The following GMDS variants were observed in gnomAD, a reference collection of about 807,000 sequenced individuals.
GMDS encodes GDP-mannose 4,6 dehydratase.
Under a neutral mutation model 49.9 loss-of-function variants are expected in GMDS, and 20 were observed. The observed-to-expected ratio is 0.40, with a 90% confidence interval of 0.28 to 0.58. The LOEUF (loss-of-function observed/expected upper bound fraction) is 0.58. GMDS is among the 20% of genes least tolerant of loss of function. The probability of loss-of-function intolerance (pLI) is 0.42; values close to 1 mark genes in which losing one functional copy is unlikely to be tolerated. For synonymous variants in GMDS, 177 were observed against 178.6 expected, an observed-to-expected ratio of 0.99 and a Z score of 0.07; for missense variants, 362 against 481.4, an observed-to-expected ratio of 0.75 and a Z score of 2.32.
chr6:1,864,948 T>C (rs1341076076), intron 7 of GMDS, among the ~76,000 whole-genome samples: 1 of 152,226 alleles, frequency 6.6e-6, no homozygotes, highest in Non-Finnish European at 1.5e-5. Flanking sequence ...TTGCCTTGTT[T>C]TCATATTTCA....
intron 7 of GMDS, among the ~76,000 whole-genome samples, chr6:1,874,051 G>A (rs1022271300): frequency 2.6e-5 from 4 of 152,214 alleles, no homozygotes; most frequent in Non-Finnish European, 4.4e-5. Flanking sequence ...CCACTGCCTC[G>A]AACAGGGCAC....
intron 6 of GMDS, among the ~76,000 whole-genome samples, chr6:1,941,640 G>C (rs1234788953): frequency 2.6e-5 from 4 of 152,156 alleles, no homozygotes; most frequent in Admixed American, 6.5e-5. Flanking sequence ...GTGAGAGAAA[G>C]GGGTGAGACT....
At chr6:1,847,101 G>C (rs1316379909) in intron 7 of GMDS, among the ~76,000 whole-genome samples, 1 of 152,122 alleles carries the variant, frequency 6.6e-6, no homozygotes, top group Non-Finnish European at 1.5e-5. Flanking sequence ...CTGCCACCTA[G>C]GCTGGTGTGC....
At chr6:2,177,512 A>G (rs1467484167) in intron 1 of GMDS, among the ~76,000 whole-genome samples, 1 of 152,172 alleles carries the variant, frequency 6.6e-6, no homozygotes, top group Non-Finnish European at 1.5e-5. Flanking sequence ...AGTAGGCTTT[A>G]TTTCTGAAAT....
chr6:2,120,418 TAAGA>T (rs1319121130), intron 2 of GMDS, among the ~76,000 whole-genome samples: 1 of 151,310 alleles, frequency 6.6e-6, no homozygotes, highest in African/African-American at 2.5e-5. Flanking sequence ...TCTCACAGAT[TAAGA>T]AAGAAAGTAT....
intron 4 of GMDS, among the ~76,000 whole-genome samples, chr6:2,018,909 C>T (rs1039544050): frequency 6.6e-6 from 1 of 151,846 alleles, no homozygotes; most frequent in Admixed American, 6.6e-5. Flanking sequence ...AAGGAACTGC[C>T]CATCTATTTT....
intron 7 of GMDS, among the ~76,000 whole-genome samples, chr6:1,925,862 C>A (rs985323054): frequency 6.6e-6 from 1 of 152,154 alleles, no homozygotes; most frequent in Non-Finnish European, 1.5e-5. Flanking sequence ...GCCCACCACA[C>A]CCCCATGCTG....
At chr6:1,750,526 G>A (rs1173626729) in intron 7 of GMDS, among the ~76,000 whole-genome samples, 1 of 152,148 alleles carries the variant, frequency 6.6e-6, no homozygotes, top group Non-Finnish European at 1.5e-5. Flanking sequence ...GAGGGACTGT[G>A]CCATGGGGAA....
chr6:1,689,180 T>A (rs544616138), intron 9 of GMDS, among the ~76,000 whole-genome samples: 2 of 152,342 alleles, frequency 1.3e-5, no homozygotes, highest in East Asian at 3.9e-4. Flanking sequence ...GCAGGAGGAA[T>A]GGCCTGTGTG....
chr6:1,911,553 T>TA (rs34335896), intron 7 of GMDS, among the ~76,000 whole-genome samples: 3,686 of 139,222 alleles, frequency 0.026, 165 homozygotes, highest in East Asian at 0.23. Flanking sequence ...TTTCCCCTAT[T>TA]AAAAAAAAAA....
At chr6:1,632,236 C>T (rs976587204) in intron 9 of GMDS, among the ~76,000 whole-genome samples, 7 of 152,210 alleles carry the variant, frequency 4.6e-5, no homozygotes, top group African/African-American at 1.7e-4. Flanking sequence ...ATACACTTTA[C>T]ACACATTAAT....
chr6:1,625,327 C>T (rs1762819746), intron 9 of GMDS: 1 of 152,196 alleles, frequency 6.6e-6, no homozygotes, highest in Non-Finnish European at 1.5e-5. Context: ...TCTATTCTAC[C>T]CCTATTCTAC....
At chr6:1,702,934 G>A (rs1346001619) in intron 9 of GMDS, among the ~76,000 whole-genome samples, 3 of 152,154 alleles carry the variant, frequency 2.0e-5, no homozygotes, top group Non-Finnish European at 4.4e-5. Flanking sequence ...GACTGCTGGG[G>A]TTTGTATCCC....
chr6:2,141,182 T>C (rs1330665582), intron 1 of GMDS, among the ~76,000 whole-genome samples: 1 of 150,416 alleles, frequency 6.6e-6, no homozygotes, highest in Non-Finnish European at 1.5e-5. Flanking sequence ...TCAAGGGGAG[T>C]GGGATCAGGT....
At chr6:1,955,774 A>G (rs958481834) in intron 6 of GMDS, among the ~76,000 whole-genome samples, 2 of 152,130 alleles carry the variant, frequency 1.3e-5, no homozygotes, top group Non-Finnish European at 2.9e-5. Flanking sequence ...CTTCAAAAAA[A>G]AAAAAGAAAA....
At chr6:1,824,689 C>T (rs976407043) in intron 7 of GMDS, among the ~76,000 whole-genome samples, 4 of 152,210 alleles carry the variant, frequency 2.6e-5, no homozygotes, top group South Asian at 2.1e-4. Flanking sequence ...GAACTCTCCA[C>T]ACCTAGGGCC....
chr6:2,087,007 A>C (rs765452792), intron 4 of GMDS, among the ~76,000 whole-genome samples: 1 of 152,262 alleles, frequency 6.6e-6, no homozygotes, highest in Non-Finnish European at 1.5e-5. Flanking sequence ...ACTTGTTGAA[A>C]TGTTGAGCTA....
At chr6:2,219,736 A>T (rs1780496993) in intron 1 of GMDS, among the ~76,000 whole-genome samples, 1 of 151,818 alleles carries the variant, frequency 6.6e-6, no homozygotes. Context: ...CAGAAACTTT[A>T]AAAAAAAATT....
chr6:2,150,239 A>C (rs1776778840), intron 1 of GMDS, among the ~76,000 whole-genome samples: 1 of 152,176 alleles, frequency 6.6e-6, no homozygotes, highest in African/African-American at 2.4e-5. Context: ...ACTTCTGATC[A>C]AGGTGAAATA....
Sources: allele counts gnomAD v4.1 joint callset (sites outside exome capture counted in the v4.1 genomes callset), GRCh38; gene constraint gnomAD v4.1.1; transcripts MANE v1.5; gene names NCBI Gene and HGNC (gene_info 2026-07-23, HGNC 2026-07-21).